Variants in LIMK1 observed in about 807,000 individuals in gnomAD.
The protein encoded by LIMK1 is LIM domain kinase 1, also known as LIM motif-containing protein kinase.
In LIMK1, 21 loss-of-function variants were observed where a neutral mutation model predicts 77.6. The ratio of observed to expected loss-of-function variants is 0.27; its 90% CI spans 0.19 to 0.39. The LOEUF (loss-of-function observed/expected upper bound fraction) is 0.39. Ranked by LOEUF, LIMK1 falls within the 10% of genes least tolerant of loss-of-function variation. LIMK1 has a pLI of 1.00. For missense variants in LIMK1, 696 were observed against 901.6 expected (o/e 0.77, Z 2.92); for synonymous variants, 358 against 370.0 (o/e 0.97, Z 0.37).
In LIMK1 at chr7:74,111,306, C is replaced by T. The variant is rs112055297; in HGVS notation, c.1285-342C>T. The T allele has an allele frequency of 3.5e-3, 960 of 273,178 alleles. 4 individuals carry two copies. Among genetic ancestry groups the T allele is most frequent in the Middle Eastern group, 0.012 (9 of 758 alleles). The allele number at this position is 273,178 out of a possible 1,614,324, so 16.9% of individuals were successfully genotyped here. A position where few individuals can be genotyped will look rare whatever the true frequency, so the allele number is the denominator to read the frequency against. Reference sequence around the variant, plus strand: ...ACAAAAAATTAGCTGGGTGTGGTGGCGCATGCCCATAGTCCCAGCTACTCA... The same window carrying T: ...ACAAAAAATTAGCTGGGTGTGGTGGTGCATGCCCATAGTCCCAGCTACTCA... On this transcript the variant is annotated intron_variant, in intron 10 of 15. Transcript: ENST00000336180.
At chr7:74,098,958 C>G in intron 4 of LIMK1, 74 bp from the exon 5 acceptor site, 1 of 1,187,618 alleles carries the variant, frequency 8.4e-7, no homozygotes, top group Non-Finnish European at 1.2e-6. Flanking sequence ...GAGCCTGGGG[C>G]TGGGGGCTGC....
chr7:74,107,256 C>T, intron 8 of LIMK1, 63 bp downstream of exon 8: 2 of 1,496,334 alleles, frequency 1.3e-6, no homozygotes, highest in Non-Finnish European at 1.8e-6. Flanking sequence ...CTCCTTCCTT[C>T]CCAGTCTATG....
intron 1 of LIMK1, 85 bp downstream of exon 1, chr7:74,084,130 G>C: frequency 1.5e-6 from 1 of 680,874 alleles, no homozygotes; most frequent in South Asian, 2.4e-5. Context: ...GGGTCTGCCA[G>C]GAGGCCGCGC....
intron 15 of LIMK1, 23 bp downstream of exon 15, chr7:74,121,072 C>T: frequency 1.3e-6 from 2 of 1,595,096 alleles, no homozygotes; most frequent in Non-Finnish European, 1.7e-6. Context: ...GGGCCCTGGC[C>T]TGGGAGACGG....
At position 74,099,149 on chromosome 7, in the gene LIMK1, T is replaced by A; in HGVS notation, c.519T>A (p.His173Gln). Residue 173 changes from histidine (H) to glutamine (Q), a missense_variant, in exon 5 of 16, where the codon CAT (histidine) becomes CAA (glutamine). This residue lies in a region of LIMK1 where 252 missense variants were observed against 279.4 expected (regional missense o/e 0.90). Transcript: ENST00000336180. ...TGGTGTCCATCCCAGCCTCATCTCA[T>A]GGCAAGCGTGGACTTTCAGTCTCCA... ...VTLVSIPASS[H>Q]GKRGLSVSID... 1 of 1,613,626 alleles carries A rather than the reference T, an allele frequency of 6.2e-7. No homozygotes were observed. The highest frequency in any genetic ancestry group is 1.1e-5 in the South Asian group (1 of 91,088).
chr7:74,107,283 G>A (rs1554697822), intron 8 of LIMK1, 90 bp downstream of exon 8: 3 of 1,373,832 alleles, frequency 2.2e-6, no homozygotes, highest in Non-Finnish European at 1.9e-6. Flanking sequence ...CAGTGGAAGG[G>A]GTATCTGGCT....
intron 5 of LIMK1, among the ~76,000 whole-genome samples, chr7:74,104,737 T>C (rs1478444827): frequency 4.6e-5 from 7 of 152,206 alleles, no homozygotes; most frequent in African/African-American, 1.7e-4. Context: ...AGGCAACTGA[T>C]CGAGGGTCTC....
rs782065106 is a variant in LIMK1, at chr7:74,096,635, A to C, written c.166A>C (p.Ser56Arg). The C allele has an allele frequency of 2.0e-5, 33 of 1,613,938 alleles. No homozygotes were observed. The East Asian group carries it at 7.1e-4, about 35-fold the overall frequency. The change falls in exon 3 of 16, where the codon AGT (serine) becomes CGT (arginine). Residue 56 changes from serine to arginine, a missense_variant. Coordinates refer to ENST00000336180, the MANE Select transcript of LIMK1 (RefSeq NM_002314.4). The stretch of plus-strand genomic sequence containing the variant: ...CCTCTCCTGCAGGTGTTGTGACTGC[A>C]GTGCCTCCCTGTCGCACCAGTACTA... ...HADCFRCCDC[S>R]ASLSHQYYEK...
chr7:74,084,143 C>T (rs1285147726), intron 1 of LIMK1, 98 bp downstream of exon 1: 20 of 521,456 alleles, frequency 3.8e-5, no homozygotes, highest in East Asian at 1.9e-4. Flanking sequence ...GGCCGCGCCC[C>T]TGCCTCCTCC....
In LIMK1 at chr7:74,111,954, A is replaced by T. The variant is rs782730435; in HGVS notation, c.1366A>T (p.Ile456Phe). 3 of 1,599,894 alleles carry T rather than the reference A, an allele frequency of 1.9e-6. No individual in the cohort carries two copies. Among genetic ancestry groups the T allele is most frequent in the Non-Finnish European group, 2.6e-6 (3 of 1,173,426 alleles). ...SGMAYLHSMN[I>F]IHRDLNSHNC... Reference sequence around the variant, plus strand: ...CTAGGCCTACCTCCACTCCATGAACATCATCCACCGAGACCTCAACTCCCA... The same window carrying T: ...CTAGGCCTACCTCCACTCCATGAACTTCATCCACCGAGACCTCAACTCCCA... The change falls in exon 12 of 16, where the codon ATC becomes TTC. Residue 456 changes from isoleucine (I) to phenylalanine (F), a missense_variant. Physicochemically the swap from Ile to Phe is conservative, Grantham distance 21. Transcript: ENST00000336180.
rs78462235 is a variant in LIMK1 at position 74,101,265 on chromosome 7, C to T, written c.608+2027C>T. On this transcript the variant is annotated intron_variant, in intron 5 of 15. Coordinates refer to ENST00000336180, the MANE Select transcript of LIMK1 (RefSeq NM_002314.4). ...AGAGATGAGGAAACTCCCAGACCAA[C>T]GGCTCTTACCAGAGGGCCAAGGGAG... 6.1e-3 allele frequency among the ~76,000 whole-genome samples: 934 copies of T among 152,338 alleles called. 46 individuals are homozygous for T. The East Asian group carries it at 0.15, about 24-fold the overall frequency.
intron 3 of LIMK1, 43 bp downstream of exon 3, chr7:74,096,803 T>A: frequency 6.5e-7 from 1 of 1,547,442 alleles, no homozygotes; most frequent in African/African-American, 1.4e-5. Flanking sequence ...GGTGGGGGTA[T>A]CCAAGCAGAC....
chr7:74,094,555 G>A (rs1245648013), intron 2 of LIMK1, among the ~76,000 whole-genome samples: 2 of 152,202 alleles, frequency 1.3e-5, no homozygotes, highest in East Asian at 1.9e-4. Flanking sequence ...ATGTGTGATC[G>A]GTGTAAGGGC....
At chr7:74,119,184 GT>G (rs1448227574) in intron 13 of LIMK1, among the ~76,000 whole-genome samples, 3 of 131,820 alleles carry the variant, frequency 2.3e-5, no homozygotes, top group Non-Finnish European at 4.9e-5. Flanking sequence ...TGCCCGGCCA[GT>G]TTTTTGTTTT....
At chr7:74,092,419 C>T (rs1799255419) in intron 2 of LIMK1, among the ~76,000 whole-genome samples, 1 of 152,194 alleles carries the variant, frequency 6.6e-6, no homozygotes, top group Admixed American at 6.5e-5. Flanking sequence ...CAGCCGGGAC[C>T]AGATGCTGCC....
chr7:74,106,888 G>A (rs569507140), intron 7 of LIMK1, 122 bp from the exon 8 acceptor site: 2 of 1,021,932 alleles, frequency 2.0e-6, no homozygotes, highest in East Asian at 2.7e-5. Flanking sequence ...CCCTCCCAAA[G>A]CAGGGGGTGA....
At chr7:74,086,435 T>G (rs1482485839) in intron 2 of LIMK1, among the ~76,000 whole-genome samples, 2 of 152,086 alleles carry the variant, frequency 1.3e-5, no homozygotes, top group Admixed American at 1.3e-4. Flanking sequence ...TCTCGGCTCA[T>G]TGCAACCTCC....
In LIMK1 at chr7:74,111,916, C is replaced by A; in HGVS notation, c.1345-17C>A. On this transcript the variant is annotated splice_polypyrimidine_tract_variant and intron_variant, in intron 11 of 15. Coordinates refer to ENST00000336180, the MANE Select transcript of LIMK1 (RefSeq NM_002314.4). The stretch of plus-strand genomic sequence containing the variant: ...CTCTGCACAGCTGCCCCCTGACTCC[C>A]GTGTCCCCGTCCCTAGGCCTACCTC... The A allele has an allele frequency of 6.2e-7, 1 of 1,610,204 alleles. No homozygotes were observed.
rs1799453381 is a variant in LIMK1, at chr7:74,101,217, T to C, written c.608+1979T>C. On this transcript the variant is annotated intron_variant, in intron 5 of 15. Coordinates refer to ENST00000336180, the MANE Select transcript of LIMK1 (RefSeq NM_002314.4). ...CAAGCCAGCAGCTGCTTTACATACA[T>C]GATGAGCAGACAGCTGCTTGAAAGA... 2.0e-5 allele frequency among the ~76,000 whole-genome samples: 3 copies of C among 152,118 alleles called. No individual in the cohort carries two copies. The South Asian group carries it at 6.2e-4, about 31-fold the overall frequency.
Sources: allele counts gnomAD v4.1 joint callset (sites outside exome capture counted in the v4.1 genomes callset), GRCh38; gene constraint gnomAD v4.1.1; regional missense constraint gnomAD v4.1.1; transcripts MANE v1.5; gene names NCBI Gene and HGNC (gene_info 2026-07-23, HGNC 2026-07-21).